RNF216: variants seen among roughly 807,000 people sequenced by gnomAD.
RNF216 encodes the protein E3 ubiquitin-protein ligase RNF216.
In RNF216, 72 loss-of-function variants were observed where a neutral mutation model predicts 110.8. That is an observed-to-expected ratio of 0.65 (90% CI 0.54 to 0.79). RNF216 has a LOEUF of 0.79. Among genes scored for constraint, RNF216 ranks in the 30% least tolerant of loss-of-function variants. The pLI, the probability that RNF216 is intolerant of heterozygous loss-of-function variation, is 0.00. For missense variants in RNF216, 1,342 were observed against 1,141.2 expected (o/e 1.18, Z -2.54); for synonymous variants, 495 against 407.5 (o/e 1.21, Z -2.59).
chr7:5,649,577 T>G (rs775980474), intron 14 of RNF216: 4 of 151,802 alleles, frequency 2.6e-5, no homozygotes, highest in African/African-American at 7.3e-5. Flanking sequence ...AGGGGCTATA[T>G]GATAAGGAAA....
chr7:5,740,168 C>T (rs1178371671), intron 4 of RNF216, among the ~76,000 whole-genome samples: 1 of 133,572 alleles, frequency 7.5e-6, no homozygotes, highest in Admixed American at 7.9e-5. Context: ...ACTCTGTCGC[C>T]CAGGCTGGAG....
At chr7:5,623,304 G>A (rs1366950400) in intron 16 of RNF216, 125 bp from the exon 17 acceptor site, 23 of 748,434 alleles carry the variant, frequency 3.1e-5, no homozygotes, top group East Asian at 1.4e-4. Context: ...AGCACAAAAC[G>A]TGGACACCTC....
chr7:5,661,383 A>T (rs1286986078), intron 13 of RNF216, among the ~76,000 whole-genome samples: 1 of 152,190 alleles, frequency 6.6e-6, no homozygotes, highest in African/African-American at 2.4e-5. Flanking sequence ...GTTTTTTGTT[A>T]AAGAAATAAA....
rs374828959 is a variant in RNF216 at position 5,764,807 on chromosome 7, C to T, written c.-69-3669G>A. ...AGCGGCTGGGTGCAGTGGCTCATGC[C>T]TATAATCCCACCACTTTGGGAAGCC... is the stretch of plus-strand genomic sequence containing the variant. On this transcript the variant is annotated intron_variant, in intron 1 of 16. Coordinates refer to ENST00000389902, the MANE Select transcript of RNF216 (RefSeq NM_207111.4). 2.2e-4 allele frequency among the ~76,000 whole-genome samples: 33 copies of T among 152,182 alleles called. No homozygotes were observed. The East Asian group carries it at 5.6e-3, about 26-fold the overall frequency.
At chr7:5,750,081 T>C (rs1282084485) in intron 3 of RNF216, among the ~76,000 whole-genome samples, 1 of 152,252 alleles carries the variant, frequency 6.6e-6, no homozygotes, top group Non-Finnish European at 1.5e-5. Context: ...CTTATTTTTA[T>C]GGCAATATCA....
intron 7 of RNF216, among the ~76,000 whole-genome samples, chr7:5,727,991 C>A (rs1355131043): frequency 6.6e-6 from 1 of 152,062 alleles, no homozygotes; most frequent in African/African-American, 2.4e-5. Flanking sequence ...ACTTTCTAGT[C>A]CATTCAACCT....
chr7:5,750,488 C>G (rs1048118976), intron 3 of RNF216, among the ~76,000 whole-genome samples: 5 of 152,192 alleles, frequency 3.3e-5, no homozygotes, highest in African/African-American at 1.2e-4. Flanking sequence ...CAAAAGAAAA[C>G]TCCAGTATGC....
At chr7:5,766,740 A>G (rs1262582336) in intron 1 of RNF216, among the ~76,000 whole-genome samples, 2 of 152,256 alleles carry the variant, frequency 1.3e-5, no homozygotes, top group Non-Finnish European at 2.9e-5. Context: ...GGAATTACAG[A>G]AACAACACAT....
intron 13 of RNF216, among the ~76,000 whole-genome samples, chr7:5,692,976 C>T (rs1441935900): frequency 3.9e-5 from 6 of 152,174 alleles, no homozygotes; most frequent in Non-Finnish European, 8.8e-5. Context: ...GCATCTCTTC[C>T]TCCTCCCATT....
intron 15 of RNF216, among the ~76,000 whole-genome samples, chr7:5,638,861 C>T (rs1367668404): frequency 1.3e-5 from 2 of 152,100 alleles, no homozygotes; most frequent in African/African-American, 2.4e-5. Context: ...TCTTAAACTC[C>T]AGGATGCAAG....
intron 13 of RNF216, among the ~76,000 whole-genome samples, chr7:5,669,669 G>A (rs1488635997): frequency 6.6e-6 from 1 of 152,150 alleles, no homozygotes; most frequent in East Asian, 1.9e-4. Context: ...AAGGTGGGCG[G>A]ATCACTTGAG....
chr7:5,631,220 C>CT (rs1208617868), intron 15 of RNF216, among the ~76,000 whole-genome samples: 3 of 152,166 alleles, frequency 2.0e-5, no homozygotes, highest in Non-Finnish European at 4.4e-5. Context: ...AACAATCCTC[C>CT]TTTTCTCAGG....
At position 5,741,224 on chromosome 7, in the gene RNF216, A is replaced by T; in HGVS notation, c.793T>A (p.Phe265Ile). 2 of 1,614,122 alleles carry T rather than the reference A, an allele frequency of 1.2e-6. No individual in the cohort carries two copies. The highest frequency in any genetic ancestry group is 1.7e-6 in the Non-Finnish European group (2 of 1,180,028). ...GCGGGCCCTGGGAATTCATGCTGAA[A>T]CAACAAGCGGCCCAGTTCTGCTTCA... is the stretch of plus-strand genomic sequence containing the variant. The part of the protein sequence containing the change: ...QPEAELGRLL[F>I]QHEFPGPAFP... The change falls in exon 4 of 17, where the codon TTT becomes ATT. Residue 265 changes from phenylalanine to isoleucine, a missense_variant. Coordinates refer to ENST00000389902, the MANE Select transcript of RNF216 (RefSeq NM_207111.4).
chr7:5,698,468 C>A (rs897651522), intron 13 of RNF216, among the ~76,000 whole-genome samples: 1 of 151,838 alleles, frequency 6.6e-6, no homozygotes, highest in Non-Finnish European at 1.5e-5. Context: ...TGGTTCACAG[C>A]GGCCTCGATC....
At chr7:5,631,964 T>C (rs2128559859) in intron 15 of RNF216, among the ~76,000 whole-genome samples, 1 of 152,308 alleles carries the variant, frequency 6.6e-6, no homozygotes, top group Middle Eastern at 3.4e-3. Flanking sequence ...AAGGATTTCA[T>C]AAGAGGACCC....
chr7:5,653,821 C>G (rs928783698), intron 13 of RNF216, among the ~76,000 whole-genome samples: 2 of 151,748 alleles, frequency 1.3e-5, no homozygotes, highest in African/African-American at 4.8e-5. Flanking sequence ...GCGGCGAAAA[C>G]AGATCAACAC....
Position 5,692,475 on chromosome 7 carries a change from C to G in RNF216, c.2061+19286G>C, listed in dbSNP as rs1471843418. Among the ~76,000 whole-genome samples, 3 of 152,226 alleles carry G rather than the reference C, an allele frequency of 2.0e-5. No individual in the cohort carries two copies. In the East Asian group the frequency reaches 5.8e-4, roughly 29 times the overall value. On this transcript the variant is annotated intron_variant, in intron 13 of 16. Coordinates refer to ENST00000389902, the MANE Select transcript of RNF216 (RefSeq NM_207111.4). ...AGTCTTGAATTCTAACTACTAAAAGCCATACTAATTCCCGCGGGGCCCTGA... is the reference window on the plus strand; with the variant it reads ...AGTCTTGAATTCTAACTACTAAAAGGCATACTAATTCCCGCGGGGCCCTGA...
intron 6 of RNF216, among the ~76,000 whole-genome samples, chr7:5,730,084 A>C (rs1793999681): frequency 6.6e-6 from 1 of 152,264 alleles, no homozygotes; most frequent in Admixed American, 6.5e-5. Context: ...GATCTGGTTA[A>C]ACAGATGTAT....
At chr7:5,720,733 G>C (rs778588985) in intron 9 of RNF216, among the ~76,000 whole-genome samples, 1 of 152,128 alleles carries the variant, frequency 6.6e-6, no homozygotes, top group African/African-American at 2.4e-5. Context: ...CAGCTGACTT[G>C]CACATTTGAT....
Sources: gnomAD v4.1 joint callset for allele counts (sites outside exome capture counted in the v4.1 genomes callset) on GRCh38, gnomAD v4.1.1 for gene constraint, MANE v1.5 for transcripts, NCBI Gene and HGNC (gene_info 2026-07-23, HGNC 2026-07-21) for gene names.